The following NAGS variants were observed in gnomAD, a reference collection of about 807,000 sequenced individuals.
The protein encoded by NAGS is N-acetylglutamate synthase, mitochondrial.
Under a neutral mutation model 46.9 loss-of-function variants are expected in NAGS, and 34 were observed. The observed-to-expected ratio is 0.72, with a 90% CI of 0.55 to 0.97. The LOEUF (loss-of-function observed/expected upper bound fraction) is 0.97. Ranked by LOEUF, NAGS falls within the 50% of genes least tolerant of loss-of-function variation. The pLI is 0.00. For synonymous variants in NAGS, 334 were observed against 346.3 expected, an observed-to-expected ratio of 0.96 and a Z score of 0.39; for missense variants, 665 against 747.0, an observed-to-expected ratio of 0.89 and a Z score of 1.28.
chr17:44,007,167 A>G lies in NAGS; in HGVS notation c.1097-156A>G. On this transcript the variant is annotated intron_variant, in intron 4 of 6. Coordinates refer to ENST00000293404, the MANE Select transcript of NAGS (RefSeq NM_153006.3). The surrounding 1 kb of genome is among the most constrained non-coding windows in gnomAD (Gnocchi z 5.1). ...GGGGAAAGCATCTCCTTGAATGAAA[A>G]TCACAGACAAATCTATGCAGACCAC... The G allele has an allele frequency of 1.4e-6, 1 of 716,308 alleles. No individual in the cohort carries two copies. The highest frequency in any genetic ancestry group is 2.3e-6 in the Non-Finnish European group (1 of 439,878). 44.4% of individuals were successfully genotyped at this position (716,308 alleles called of 1,614,324 possible).
Position 44,005,805 on chromosome 17 carries a change from A to C in NAGS, c.595A>C (p.Ser199Arg). The C allele has an allele frequency of 6.3e-7, 1 of 1,585,550 alleles. No homozygotes were observed. The highest frequency in any genetic ancestry group is 8.6e-7 in the Non-Finnish European group (1 of 1,167,194). Residue 199 changes from serine to arginine, a missense_variant, in exon 2 of 7, where the codon AGC becomes CGC. Physicochemically the swap from Ser to Arg is moderately radical, Grantham distance 110 (BLOSUM62 -1). Transcript: ENST00000293404. The surrounding 1 kb of genome is among the most constrained non-coding windows in gnomAD (Gnocchi z 7.2). ...FWEAKAQLAK[S>R]CKVLVDALRH... The stretch of plus-strand genomic sequence containing the variant: ...GGAGGCCAAGGCGCAGCTGGCCAAG[A>C]GCTGCAAGGTGCTGGTAGACGCGCT...
Position 44,004,959 on chromosome 17 carries a change from G to T in NAGS, c.296G>T (p.Arg99Leu), listed in dbSNP as rs762740965. ...PHESPEPPSG[R>L]SLVQRDIQAF... ...GAGTCCCCAGAGCCTCCTTCGGGCCGCTCGCTGGTGCAGCGGGACATCCAG... is the reference window on the plus strand; with the variant it reads ...GAGTCCCCAGAGCCTCCTTCGGGCCTCTCGCTGGTGCAGCGGGACATCCAG... The change falls in exon 1 of 7, where the codon CGC (arginine) becomes CTC (leucine). Residue 99 changes from arginine to leucine, a missense_variant. Arg to Leu is a moderately radical substitution (Grantham distance 102). Coordinates refer to ENST00000293404, the MANE Select transcript of NAGS (RefSeq NM_153006.3). 9.1e-6 allele frequency: 14 copies of T among 1,538,362 alleles called. No homozygotes were observed. The African/African-American group carries it at 1.8e-4, about 20-fold the overall frequency.
At position 44,006,835 on chromosome 17, in the gene NAGS, C is replaced by A; in HGVS notation, c.1096+126C>A. 9.7e-7 allele frequency: 1 copy of A among 1,035,670 alleles called. No individual in the cohort carries two copies. The highest frequency in any genetic ancestry group is 1.4e-6 in the Non-Finnish European group (1 of 728,172). 64.2% of individuals were successfully genotyped at this position (1,035,670 alleles called of 1,614,324 possible). ...AGCCGTAGGGGGAGGCGGGGGGTGTCACAGCAATGGCTCCTGCTGCTGCCG... is the reference window on the plus strand; with the variant it reads ...AGCCGTAGGGGGAGGCGGGGGGTGTAACAGCAATGGCTCCTGCTGCTGCCG... On this transcript the variant is annotated intron_variant, in intron 4 of 6. Coordinates refer to ENST00000293404, the MANE Select transcript of NAGS (RefSeq NM_153006.3). The surrounding 1 kb of genome is among the most constrained non-coding windows in gnomAD (Gnocchi z 4.8).
Position 44,006,298 on chromosome 17 carries a change from C to G in NAGS, c.915+61C>G. On this transcript the variant is annotated intron_variant, in intron 3 of 6. Transcript: ENST00000293404. The surrounding 1 kb of genome is among the most constrained non-coding windows in gnomAD (Gnocchi z 4.8). ...GATCCGGGCCTTCTCTTGCGCCCCT[C>G]GCACTTCTCCCCGACGGGCCGCAGA... The G allele has an allele frequency of 6.3e-7, 1 of 1,575,018 alleles. No homozygotes were observed. Among genetic ancestry groups the G allele is most frequent in the Non-Finnish European group, 8.6e-7 (1 of 1,156,854 alleles).
Position 44,004,963 on chromosome 17 carries a change from G to A in NAGS, c.300G>A (p.Ser100=), listed in dbSNP as rs1027576237. 6.5e-7 allele frequency: 1 copy of A among 1,539,302 alleles called. No homozygotes were observed. The highest frequency in any genetic ancestry group is 1.4e-5 in the African/African-American group (1 of 73,246). Residue 100 remains serine (S), a synonymous_variant, in exon 1 of 7, where the codon TCG becomes TCA. Coordinates refer to ENST00000293404, the MANE Select transcript of NAGS (RefSeq NM_153006.3). ...HESPEPPSGR[S]LVQRDIQAFL... is the part of the protein sequence containing the mutation. The stretch of plus-strand genomic sequence containing the variant: ...CCCCAGAGCCTCCTTCGGGCCGCTC[G>A]CTGGTGCAGCGGGACATCCAGGCCT...
chr17:44,007,400 G>C lies in NAGS; in HGVS notation c.1174G>C (p.Val392Leu), dbSNP rs765592412. The change falls in exon 5 of 7, where the codon GTG becomes CTG. Residue 392 changes from valine (V) to leucine (L), a missense_variant. Transcript: ENST00000293404. The surrounding 1 kb of genome is among the most constrained non-coding windows in gnomAD (Gnocchi z 5.1). ...SLDKLDQGRLVDLVNASFGKK... is the reference protein window; with the variant it reads ...SLDKLDQGRLLDLVNASFGKK... ...GGACAAGCTGGACCAGGGCCGTCTA[G>C]TGGACCTGGTCAACGCCAGCTTCGG... 5.0e-6 allele frequency: 8 copies of C among 1,613,822 alleles called. No individual in the cohort carries two copies. Among genetic ancestry groups the C allele is most frequent in the Non-Finnish European group, 5.9e-6 (7 of 1,180,024 alleles).
In NAGS at chr17:44,005,141, G is replaced by A. The variant is rs768449059; in HGVS notation, c.426+52G>A. Reference sequence around the variant, plus strand: ...ACGCAGCGAGGGGATGGGGTTGTGCGGCCACCTGTCCTCAGGCATGGCAGG... The same window carrying A: ...ACGCAGCGAGGGGATGGGGTTGTGCAGCCACCTGTCCTCAGGCATGGCAGG... On this transcript the variant is annotated intron_variant, in intron 1 of 6. Coordinates refer to ENST00000293404, the MANE Select transcript of NAGS (RefSeq NM_153006.3). This position sits in a 1 kb window ranked among gnomAD's most constrained non-coding sequence, Gnocchi z 7.2. 40 of 1,528,370 alleles carry A rather than the reference G, an allele frequency of 2.6e-5. No homozygotes were observed. The East Asian group carries it at 9.0e-4, about 34-fold the overall frequency. 94.7% of individuals were successfully genotyped at this position (1,528,370 alleles called of 1,614,324 possible). A position where few individuals can be genotyped will look rare whatever the true frequency, so the allele number is the denominator to read the frequency against.
chr17:44,007,387 C>A lies in NAGS; in HGVS notation c.1161C>A (p.Asp387Glu). 1 of 1,613,950 alleles carries A rather than the reference C, an allele frequency of 6.2e-7. No homozygotes were observed. The highest frequency in any genetic ancestry group is 8.5e-7 in the Non-Finnish European group (1 of 1,180,026). ...MLRVRSLDKL[D>E]QGRLVDLVNA... ...GGGTGCGCAGCCTGGACAAGCTGGA[C>A]CAGGGCCGTCTAGTGGACCTGGTCA... Residue 387 changes from aspartate to glutamate, a missense_variant, in exon 5 of 7, where the codon GAC becomes GAA. Asp to Glu is a conservative substitution (Grantham distance 45). Transcript: ENST00000293404. The surrounding 1 kb of genome is among the most constrained non-coding windows in gnomAD (Gnocchi z 5.1).
rs2049091082 is a variant in NAGS, at chr17:44,006,335, G to A, written c.915+98G>A. On this transcript the variant is annotated intron_variant, in intron 3 of 6. Coordinates refer to ENST00000293404, the MANE Select transcript of NAGS (RefSeq NM_153006.3). The surrounding 1 kb of genome is among the most constrained non-coding windows in gnomAD (Gnocchi z 4.8). ...CGACGGGCCGCAGACTCACTAGCAA[G>A]CCGGGTGGGTAGAAAAGCCTAAGGG... The A allele has an allele frequency of 1.3e-6, 2 of 1,510,736 alleles. No homozygotes were observed. Among genetic ancestry groups the A allele is most frequent in the South Asian group, 2.4e-5 (2 of 83,668 alleles). 93.6% of individuals were successfully genotyped at this position (1,510,736 alleles called of 1,614,324 possible).
chr17:44,007,898 AG>A lies in NAGS; in HGVS notation c.1451+129del. 1 of 987,552 alleles carries A rather than the reference AG, an allele frequency of 1.0e-6. No homozygotes were observed. The highest frequency in any genetic ancestry group is 1.6e-6 in the Non-Finnish European group (1 of 641,490). The allele number at this position is 987,552 out of a possible 1,614,324, so 61.2% of individuals were successfully genotyped here. A position where few individuals can be genotyped will look rare whatever the true frequency, so the allele number is the denominator to read the frequency against. On this transcript the variant is annotated intron_variant, in intron 6 of 6. Coordinates refer to ENST00000293404, the MANE Select transcript of NAGS (RefSeq NM_153006.3). The surrounding 1 kb of genome is among the most constrained non-coding windows in gnomAD (Gnocchi z 5.1). ...ACTGGTCTCCCTTTCACTACCTCCC[AG>A]GGGCAGAACACACAGAAAGCCTGAG...
Position 44,007,187 on chromosome 17 carries a change from G to T in NAGS, c.1097-136G>T. On this transcript the variant is annotated intron_variant, in intron 4 of 6. Transcript: ENST00000293404. The surrounding 1 kb of genome is among the most constrained non-coding windows in gnomAD (Gnocchi z 5.1). ...TGAAAATCACAGACAAATCTATGCA[G>T]ACCACTGAAATCATTTCACTGTGGA... 1.3e-6 allele frequency: 1 copy of T among 765,860 alleles called. No homozygotes were observed. Among genetic ancestry groups the T allele is most frequent in the Non-Finnish European group, 2.1e-6 (1 of 476,658 alleles). The allele number at this position is 765,860 out of a possible 1,614,324, so 47.4% of individuals were successfully genotyped here.
intron 6 of NAGS, 121 bp from the exon 7 acceptor site, chr17:44,008,327 C>A: frequency 8.3e-7 from 1 of 1,207,504 alleles, no homozygotes; most frequent in Non-Finnish European, 1.2e-6. Context: ...ACAGCAGGAC[C>A]AAGCTGGGTG....
chr17:44,008,638 G>C lies in NAGS; in HGVS notation c.*37G>C. 1.2e-6 allele frequency: 2 copies of C among 1,612,308 alleles called. No homozygotes were observed. The highest frequency in any genetic ancestry group is 1.7e-6 in the Non-Finnish European group (2 of 1,179,602). ...GACACTACAGGCCCTGGAATGGCCA[G>C]GGTGGACCAAAAGCCATGCCAGCTG... On this transcript the variant is annotated 3_prime_UTR_variant, in exon 7 of 7. Transcript: ENST00000293404.
chr17:44,006,202 A>G lies in NAGS; in HGVS notation c.880A>G (p.Asn294Asp). 6.2e-7 allele frequency: 1 copy of G among 1,613,102 alleles called. No homozygotes were observed. Among genetic ancestry groups the G allele is most frequent in the Non-Finnish European group, 8.5e-7 (1 of 1,179,970 alleles). Residue 294 changes from asparagine to aspartate, a missense_variant, in exon 3 of 7, where the codon AAT (asparagine) becomes GAT (aspartate). Asn to Asp is a conservative substitution (Grantham distance 23, BLOSUM62 1). Coordinates refer to ENST00000293404, the MANE Select transcript of NAGS (RefSeq NM_153006.3). The surrounding 1 kb of genome is among the most constrained non-coding windows in gnomAD (Gnocchi z 4.8). ...ALRPTKIIFL[N>D]NTGGLRDSSH... ...GCGGCCCACCAAAATCATCTTCCTC[A>G]ATAACACAGGCGGCCTGCGCGACAG...
At position 44,007,271 on chromosome 17, in the gene NAGS, G is replaced by A; in HGVS notation, c.1097-52G>A. 1.3e-6 allele frequency: 2 copies of A among 1,593,548 alleles called. No homozygotes were observed. The highest frequency in any genetic ancestry group is 1.3e-5 in the African/African-American group (1 of 74,572). On this transcript the variant is annotated intron_variant, in intron 4 of 6. Transcript: ENST00000293404. This position sits in a 1 kb window ranked among gnomAD's most constrained non-coding sequence, Gnocchi z 5.1. ...CCTGTCCTACCTGCAGTCCCCACCA[G>A]GCTGCGCAAACGGCCCTCCAGCCAG...
At position 44,006,384 on chromosome 17, in the gene NAGS, T is replaced by C; in HGVS notation, c.916-145T>C. 1.4e-6 allele frequency: 2 copies of C among 1,449,434 alleles called. No individual in the cohort carries two copies. Among genetic ancestry groups the C allele is most frequent in the Non-Finnish European group, 9.4e-7 (1 of 1,058,932 alleles). 89.8% of individuals were successfully genotyped at this position (1,449,434 alleles called of 1,614,324 possible). A position where few individuals can be genotyped will look rare whatever the true frequency, so the allele number is the denominator to read the frequency against. On this transcript the variant is annotated intron_variant, in intron 3 of 6. Transcript: ENST00000293404. The surrounding 1 kb of genome is among the most constrained non-coding windows in gnomAD (Gnocchi z 4.8). ...GGAGTATAGGGGAGGAGTTCAGCCC[T>C]GGGTGCCCAGATCTGCGCCCTCCCT...
chr17:44,005,137 G>T lies in NAGS; in HGVS notation c.426+48G>T. Reference sequence around the variant, plus strand: ...CGTGACGCAGCGAGGGGATGGGGTTGTGCGGCCACCTGTCCTCAGGCATGG... The same window carrying T: ...CGTGACGCAGCGAGGGGATGGGGTTTTGCGGCCACCTGTCCTCAGGCATGG... On this transcript the variant is annotated intron_variant, in intron 1 of 6. Transcript: ENST00000293404. This position sits in a 1 kb window ranked among gnomAD's most constrained non-coding sequence, Gnocchi z 7.2. 6.5e-7 allele frequency: 1 copy of T among 1,532,556 alleles called. No individual in the cohort carries two copies. Among genetic ancestry groups the T allele is most frequent in the Non-Finnish European group, 8.8e-7 (1 of 1,141,372 alleles). The allele number at this position is 1,532,556 out of a possible 1,614,324, so 94.9% of individuals were successfully genotyped here.
In NAGS at chr17:44,006,178, C is replaced by A; in HGVS notation, c.856C>A (p.Arg286=). 1 of 1,613,412 alleles carries A rather than the reference C, an allele frequency of 6.2e-7. No homozygotes were observed. The change falls in exon 3 of 7, where the codon CGG becomes AGG. Residue 286 remains arginine, a synonymous_variant. Transcript: ENST00000293404. This position sits in a 1 kb window ranked among gnomAD's most constrained non-coding sequence, Gnocchi z 4.8. The part of the protein sequence containing the change: ...EVTASLAKAL[R]PTKIIFLNNT... Reference sequence around the variant, plus strand: ...GACCGCGTCGCTGGCCAAGGCGCTGCGGCCCACCAAAATCATCTTCCTCAA... The same window carrying A: ...GACCGCGTCGCTGGCCAAGGCGCTGAGGCCCACCAAAATCATCTTCCTCAA...
At position 44,006,804 on chromosome 17, in the gene NAGS, T is replaced by C. The variant is rs1422486830; in HGVS notation, c.1096+95T>C. On this transcript the variant is annotated intron_variant, in intron 4 of 6. Coordinates refer to ENST00000293404, the MANE Select transcript of NAGS (RefSeq NM_153006.3). The surrounding 1 kb of genome is among the most constrained non-coding windows in gnomAD (Gnocchi z 4.8). Reference sequence around the variant, plus strand: ...TCAGGAGGAGCGGCTTCTCCTCCTGTCCAGGAGCCGTAGGGGGAGGCGGGG... The same window carrying C: ...TCAGGAGGAGCGGCTTCTCCTCCTGCCCAGGAGCCGTAGGGGGAGGCGGGG... 2.3e-6 allele frequency: 3 copies of C among 1,326,670 alleles called. No individual in the cohort carries two copies. The highest frequency in any genetic ancestry group is 4.8e-5 in the East Asian group (2 of 41,634). The allele number at this position is 1,326,670 out of a possible 1,614,324, so 82.2% of individuals were successfully genotyped here. A position where few individuals can be genotyped will look rare whatever the true frequency, so the allele number is the denominator to read the frequency against.
Sources: gnomAD v4.1 joint callset for allele counts on GRCh38, gnomAD v4.1.1 for gene constraint, Gnocchi (gnomAD v3.1) non-coding constraint, MANE v1.5 for transcripts, NCBI Gene and HGNC (gene_info 2026-07-23, HGNC 2026-07-21) for gene names.